VDR: variants seen among roughly 807,000 people sequenced by gnomAD.
VDR encodes the protein vitamin D3 receptor.
Under a neutral mutation model 39.7 loss-of-function variants are expected in VDR, and 19 were observed. The ratio of observed to expected loss-of-function variants is 0.48; its 90% CI spans 0.33 to 0.70. The LOEUF (loss-of-function observed/expected upper bound fraction) is 0.70, where lower values mean the gene tolerates loss of function less well. VDR is among the 30% of genes least tolerant of loss of function. VDR has a pLI of 0.02. For synonymous variants in VDR, 242 were observed against 215.8 expected, an observed-to-expected ratio of 1.12 and a Z score of -1.07; for missense variants, 442 against 570.5, an observed-to-expected ratio of 0.77 and a Z score of 2.29.
At chr12:47,882,628 T>TGGC in intron 2 of VDR, 66 bp downstream of exon 2, 1 of 187,188 alleles carries the variant, frequency 5.3e-6, no homozygotes, top group Non-Finnish European at 9.9e-6. Flanking sequence ...CTTATGCCCC[T>TGGC]CCCCCCCACC....
chr12:47,865,749 C>T (rs1440668966), intron 3 of VDR, among the ~76,000 whole-genome samples: 1 of 127,094 alleles, frequency 7.9e-6, no homozygotes, highest in Non-Finnish European at 1.6e-5. Context: ...GAGTTTTGCT[C>T]TGTCACCCAG....
rs2229828 is a variant in VDR, at chr12:47,857,522, G to A, written c.444C>T (p.Ser148=). The change falls in exon 5 of 10, where the codon TCC becomes TCT. Residue 148 remains serine, a synonymous_variant. Coordinates refer to ENST00000549336, the MANE Select transcript of VDR (RefSeq NM_000376.3). ...AHHKTYDPTY[S]DFCQFRPPVR... is the part of the protein sequence containing the mutation. ...GACATACCCGGAACTGGCAGAAGTC[G>A]GAGTAGGTGGGGTCGTAGGTCTTAT... is the stretch of plus-strand genomic sequence containing the variant. 1.2e-3 allele frequency: 1,899 copies of A among 1,614,158 alleles called. 21 individuals carry two copies. In the African/African-American group the frequency reaches 0.022, roughly 18 times the overall value.
At chr12:47,871,544 A>C (rs1945880148) in intron 3 of VDR, among the ~76,000 whole-genome samples, 1 of 149,340 alleles carries the variant, frequency 6.7e-6, no homozygotes, top group Non-Finnish European at 1.5e-5. Context: ...GCTCACTGCA[A>C]CCTCTGGCTC....
At chr12:47,866,112 A>AC (rs1945729513) in intron 3 of VDR, among the ~76,000 whole-genome samples, 1 of 132,508 alleles carries the variant, frequency 7.5e-6, no homozygotes, top group East Asian at 2.8e-4. Flanking sequence ...CCTAGAAAAA[A>AC]CCCTTTTTTT....
chr12:47,873,203 A>G (rs1429764541), intron 3 of VDR, among the ~76,000 whole-genome samples: 1 of 152,038 alleles, frequency 6.6e-6, no homozygotes, highest in Non-Finnish European at 1.5e-5. Context: ...TGATGTTTTT[A>G]AAGTGTGGCG....
intron 2 of VDR, 150 bp from the exon 3 acceptor site, chr12:47,879,265 C>A: frequency 1.0e-6 from 1 of 963,816 alleles, no homozygotes; most frequent in Non-Finnish European, 1.5e-6. Context: ...TCCCCAGGGC[C>A]CAGGCCTGAG....
chr12:47,887,935 A>G (rs1946288582), intron 1 of VDR, among the ~76,000 whole-genome samples: 1 of 152,170 alleles, frequency 6.6e-6, no homozygotes, highest in African/African-American at 2.4e-5. Context: ...ACCTTTGAGA[A>G]CCTGCTAAAA....
In VDR at chr12:47,882,732, G is replaced by T. The variant is rs1375551635; in HGVS notation, c.-41C>A. ...GGGCAGGTAAGTGGAGCCCAGGGGT[G>T]CTCTTCTGTGAGGTCTCACAGACAC... is the stretch of plus-strand genomic sequence containing the variant. On this transcript the variant is annotated 5_prime_UTR_variant, in exon 2 of 10. Transcript: ENST00000549336. The T allele has an allele frequency of 9.1e-6, 14 of 1,533,188 alleles. No individual in the cohort carries two copies. The highest frequency in any genetic ancestry group is 1.2e-5 in the Non-Finnish European group (14 of 1,145,886). The allele number at this position is 1,533,188 out of a possible 1,614,324, so 95.0% of individuals were successfully genotyped here.
rs934861609 is a variant in VDR at position 47,904,931 on chromosome 12, T to C, written c.-84+24A>G. On this transcript the variant is annotated intron_variant, in intron 1 of 9. Coordinates refer to ENST00000549336, the MANE Select transcript of VDR (RefSeq NM_000376.3). ...CCGAGTCCCTATCCTGAGACCCCCT[T>C]TCCCGCTGCTCCCGGGTTCGCACCT... 1.8e-5 allele frequency: 4 copies of C among 217,972 alleles called. No homozygotes were observed. The Admixed American group carries it at 2.3e-4, about 12-fold the overall frequency. The allele number at this position is 217,972 out of a possible 1,614,324, so 13.5% of individuals were successfully genotyped here.
chr12:47,893,270 G>C (rs551841875), intron 1 of VDR, among the ~76,000 whole-genome samples: 57 of 152,246 alleles, frequency 3.7e-4, no homozygotes, highest in Admixed American at 1.5e-3. Flanking sequence ...CTCTCTCATT[G>C]TTTCATTGAG....
chr12:47,850,522 T>A (rs1195780793), intron 7 of VDR, among the ~76,000 whole-genome samples: 1 of 152,204 alleles, frequency 6.6e-6, no homozygotes, highest in Non-Finnish European at 1.5e-5. Context: ...GTGGGATCAC[T>A]GCTTTTGTGA....
chr12:47,904,260 T>A (rs1382990641), intron 1 of VDR, among the ~76,000 whole-genome samples: 1 of 151,810 alleles, frequency 6.6e-6, no homozygotes, highest in African/African-American at 2.4e-5. Flanking sequence ...GACCACAGGC[T>A]GTTCCCTCCT....
chr12:47,904,931 T>G, intron 1 of VDR, 24 bp downstream of exon 1: 1 of 218,088 alleles, frequency 4.6e-6, no homozygotes, highest in Non-Finnish European at 9.2e-6. Flanking sequence ...GAGACCCCCT[T>G]TCCCGCTGCT....
chr12:47,863,253 T>C (rs1435540157), intron 4 of VDR, among the ~76,000 whole-genome samples: 3 of 152,196 alleles, frequency 2.0e-5, no homozygotes, highest in African/African-American at 7.2e-5. Flanking sequence ...CCAACTTGCT[T>C]TCTGACCCCA....
At chr12:47,862,321 C>T (rs1187196761) in intron 4 of VDR, among the ~76,000 whole-genome samples, 1 of 152,194 alleles carries the variant, frequency 6.6e-6, no homozygotes, top group Non-Finnish European at 1.5e-5. Flanking sequence ...ATGGAGTGAG[C>T]TCCGACCCAC....
intron 2 of VDR, 53 bp from the exon 3 acceptor site, chr12:47,879,168 A>G (rs1946083712): frequency 8.2e-6 from 13 of 1,589,044 alleles, no homozygotes; most frequent in African/African-American, 1.3e-5. Context: ...TGCCAGGGCC[A>G]GCTGGCATCC....
At chr12:47,899,345 A>G (rs1386708591) in intron 1 of VDR, among the ~76,000 whole-genome samples, 2 of 152,226 alleles carry the variant, frequency 1.3e-5, no homozygotes, top group African/African-American at 4.8e-5. Flanking sequence ...TACTGAATAC[A>G]CATGCCTTTC....
rs146341031 is a variant in VDR at position 47,902,362 on chromosome 12, C to A, written c.-84+2593G>T. Among the ~76,000 whole-genome samples, 309 of 152,302 alleles carry A rather than the reference C, an allele frequency of 2.0e-3. 2 individuals carry two copies. The highest frequency in any genetic ancestry group is 3.5e-3 in the Non-Finnish European group (240 of 68,016). On this transcript the variant is annotated intron_variant, in intron 1 of 9. Transcript: ENST00000549336. Reference sequence around the variant, plus strand: ...GAGTGGCAGCCAGGCTGGCTTCAGCCCAGCTGGATCCTCTCAGAACTGGAC... The same window carrying A: ...GAGTGGCAGCCAGGCTGGCTTCAGCACAGCTGGATCCTCTCAGAACTGGAC...
At chr12:47,857,715 G>C (rs1397099167) in intron 4 of VDR, 27 bp from the exon 5 acceptor site, 1 of 1,607,766 alleles carries the variant, frequency 6.2e-7, no homozygotes, top group South Asian at 1.1e-5. Flanking sequence ...GGAGTCAGGA[G>C]GGCTGGCCAG....
Sources: allele counts gnomAD v4.1 joint callset (sites outside exome capture counted in the v4.1 genomes callset), GRCh38; gene constraint gnomAD v4.1.1; transcripts MANE v1.5; gene names NCBI Gene and HGNC (gene_info 2026-07-23, HGNC 2026-07-21).